Variants in ITPRID1 observed in about 807,000 individuals in gnomAD.
ITPRID1 encodes the protein ITPR interacting domain containing 1.
Under a neutral mutation model 95.4 loss-of-function variants are expected in ITPRID1, and 96 were observed. That is an observed-to-expected ratio of 1.01 (90% CI 0.85 to 1.19). The LOEUF is 1.19. Among genes scored for constraint, ITPRID1 ranks in the 50% most tolerant of loss-of-function variants. ITPRID1 has a pLI of 0.00. For missense variants in ITPRID1, 1,339 were observed against 1,252.9 expected (o/e 1.07, Z -1.04); for synonymous variants, 510 against 453.6 (o/e 1.12, Z -1.58).
intron 1 of ITPRID1, among the ~76,000 whole-genome samples, chr7:31,539,433 TCCTC>T (rs2128132486): frequency 6.6e-6 from 1 of 152,210 alleles, no homozygotes; most frequent in South Asian, 2.1e-4. Context: ...AATCTATTGA[TCCTC>T]CCACAGTGCT....
At chr7:31,576,363 A>T (rs553545457) in intron 8 of ITPRID1, among the ~76,000 whole-genome samples, 31 of 152,346 alleles carry the variant, frequency 2.0e-4, no homozygotes, top group African/African-American at 7.2e-4. Flanking sequence ...GAAAACACTT[A>T]TCCAATGCTT....
chr7:31,618,137 A>C (rs1280895641), intron 10 of ITPRID1, among the ~76,000 whole-genome samples: 1 of 152,190 alleles, frequency 6.6e-6, no homozygotes, highest in Non-Finnish European at 1.5e-5. Flanking sequence ...TGATAGGAGC[A>C]AGGACTATGA....
chr7:31,621,682 C>G (rs6967721), intron 10 of ITPRID1, among the ~76,000 whole-genome samples: 2,214 of 128,612 alleles, frequency 0.017, 14 homozygotes, highest in Middle Eastern at 0.022. Flanking sequence ...TCGAGACTAG[C>G]AATAAACTGC....
At chr7:31,634,355 C>T (rs1051310279) in intron 10 of ITPRID1, among the ~76,000 whole-genome samples, 1 of 152,098 alleles carries the variant, frequency 6.6e-6, no homozygotes, top group Non-Finnish European at 1.5e-5. Context: ...TGATGTCCTG[C>T]AGCAAAAATT....
rs922490146 is a variant in ITPRID1, at chr7:31,654,642, A to G, written c.*1813A>G. ...AGCCTTGGAGGCTTGTGAGGCTCCCACCCCAGTGGAAATGCAGGGAATGGC... is the reference window on the plus strand; with the variant it reads ...AGCCTTGGAGGCTTGTGAGGCTCCCGCCCCAGTGGAAATGCAGGGAATGGC... On this transcript the variant is annotated 3_prime_UTR_variant, in exon 15 of 15. Transcript: ENST00000615280. Among the ~76,000 whole-genome samples, 3 of 152,060 alleles carry G rather than the reference A, an allele frequency of 2.0e-5. No individual in the cohort carries two copies. Among genetic ancestry groups the G allele is most frequent in the Non-Finnish European group, 4.4e-5 (3 of 68,012 alleles).
chr7:31,628,489 G>T (rs1039115752), intron 10 of ITPRID1, among the ~76,000 whole-genome samples: 1 of 146,036 alleles, frequency 6.8e-6, no homozygotes, highest in Non-Finnish European at 1.5e-5. Flanking sequence ...GAGGAGTCTC[G>T]CTCTGTCACT....
chr7:31,605,421 G>A (rs892411289), intron 10 of ITPRID1, among the ~76,000 whole-genome samples: 1 of 152,154 alleles, frequency 6.6e-6, no homozygotes, highest in African/African-American at 2.4e-5. Flanking sequence ...AAGAAACCTA[G>A]GCCATTCACT....
At chr7:31,576,176 A>G (rs1194841492) in intron 8 of ITPRID1, among the ~76,000 whole-genome samples, 2 of 152,194 alleles carry the variant, frequency 1.3e-5, no homozygotes, top group Non-Finnish European at 2.9e-5. Flanking sequence ...TAATTTCTAC[A>G]ACATAACACT....
At chr7:31,603,341 C>G (rs570459256) in intron 10 of ITPRID1, among the ~76,000 whole-genome samples, 3 of 152,090 alleles carry the variant, frequency 2.0e-5, no homozygotes, top group Non-Finnish European at 2.9e-5. Flanking sequence ...CGAGTTAACA[C>G]ATTGGCTCCT....
chr7:31,523,305 T>C (rs1190910287), intron 1 of ITPRID1, among the ~76,000 whole-genome samples: 1 of 152,084 alleles, frequency 6.6e-6, no homozygotes, highest in Non-Finnish European at 1.5e-5. Flanking sequence ...AACTAAGGAG[T>C]AGATACTAGG....
At chr7:31,549,227 T>C (rs1343385196) in intron 1 of ITPRID1, among the ~76,000 whole-genome samples, 199 bp from the exon 2 acceptor site, 3 of 152,148 alleles carry the variant, frequency 2.0e-5, no homozygotes, top group Non-Finnish European at 4.4e-5. Flanking sequence ...GATAAGCACC[T>C]CTAACTCATC....
At chr7:31,656,610 C>A, downstream of ITPRID1, 2 of 435,066 alleles carry the variant, frequency 4.6e-6, no homozygotes, top group Non-Finnish European at 3.1e-6. Flanking sequence ...AATTATCAGT[C>A]TCAGGAGACA....
At chr7:31,538,652 T>C (rs890162184) in intron 1 of ITPRID1, among the ~76,000 whole-genome samples, 2 of 152,352 alleles carry the variant, frequency 1.3e-5, no homozygotes, top group African/African-American at 4.8e-5. Flanking sequence ...TAGATATTTT[T>C]CATAATTACA....
chr7:31,569,282 T>C (rs573642488), intron 5 of ITPRID1, among the ~76,000 whole-genome samples: 30 of 152,292 alleles, frequency 2.0e-4, no homozygotes, highest in African/African-American at 6.7e-4. Flanking sequence ...TCATGTATTA[T>C]TTTTTGCCTG....
At chr7:31,616,761 A>G (rs1035943081) in intron 10 of ITPRID1, among the ~76,000 whole-genome samples, 1 of 151,906 alleles carries the variant, frequency 6.6e-6, no homozygotes, top group African/African-American at 2.4e-5. Flanking sequence ...ATGAGACAAG[A>G]AAAGACAAAA....
intron 12 of ITPRID1, among the ~76,000 whole-genome samples, chr7:31,647,062 A>T (rs769063682): frequency 2.6e-4 from 39 of 152,260 alleles, no homozygotes; most frequent in Non-Finnish European, 5.6e-4. Flanking sequence ...TTATACTCCT[A>T]TGCAGGCATA....
chr7:31,603,132 C>T (rs796841141), intron 10 of ITPRID1, among the ~76,000 whole-genome samples: 15 of 152,216 alleles, frequency 9.9e-5, no homozygotes, highest in African/African-American at 3.4e-4. Flanking sequence ...AATTTGGAGA[C>T]GTTTGCCTTC....
At chr7:31,636,639 C>T (rs1386182680) in intron 10 of ITPRID1, among the ~76,000 whole-genome samples, 3 of 151,852 alleles carry the variant, frequency 2.0e-5, no homozygotes, top group East Asian at 1.9e-4. Context: ...TCCTGTCTCA[C>T]GCTCTCCTAT....
chr7:31,519,620 C>CTCTCTCTCTCTCTCTCTATA, intron 1 of ITPRID1, among the ~76,000 whole-genome samples: 4 of 25,266 alleles, frequency 1.6e-4, no homozygotes, highest in Non-Finnish European at 2.9e-4. Context: ...CTCTCTCTCT[C>CTCTCTCTCTCTCTCTCTATA]TATATATATA....
Sources: gnomAD v4.1 joint callset for allele counts (sites outside exome capture counted in the v4.1 genomes callset) on GRCh38, gnomAD v4.1.1 for gene constraint, MANE v1.5 for transcripts, NCBI Gene and HGNC (gene_info 2026-07-23, HGNC 2026-07-21) for gene names.